Variants in SEC16A observed in about 807,000 individuals in gnomAD.
The protein encoded by SEC16A is SEC16 homolog A, endoplasmic reticulum export factor.
A neutral mutation model predicts 221.9 loss-of-function variants in SEC16A; 110 were observed. The observed-to-expected ratio is 0.50, with a 90% CI of 0.42 to 0.58. The LOEUF is 0.58. Among genes scored for constraint, SEC16A ranks in the 20% least tolerant of loss-of-function variants. SEC16A has a pLI of 0.00. For missense variants in SEC16A, 3,165 were observed against 3,097.8 expected (o/e 1.02, Z -0.52); for synonymous variants, 1,393 against 1,257.7 (o/e 1.11, Z -2.28).
At position 136,445,710 on chromosome 9, in the gene SEC16A, A is replaced by G. The variant is rs948780105; in HGVS notation, c.6802T>C (p.Ser2268Pro). 21 of 1,553,024 alleles carry G rather than the reference A, an allele frequency of 1.4e-5. No individual in the cohort carries two copies. The highest frequency in any genetic ancestry group is 1.7e-5 in the Non-Finnish European group (20 of 1,148,428). The change falls in exon 29 of 32, where the codon TCT becomes CCT. Residue 2268 changes from serine to proline, a missense_variant. Physicochemically the swap from Ser to Pro is moderately conservative, Grantham distance 74. This residue lies in a region of SEC16A where 1,088 missense variants were observed against 1,089.6 expected (regional missense o/e 1.00). Transcript: ENST00000684901. Reference sequence around the variant, plus strand: ...TCAGAGCCAGGGAGTGACGCTGCAGAGCTTAAAACCTGCCGAGGAAAAGAA... The same window carrying G: ...TCAGAGCCAGGGAGTGACGCTGCAGGGCTTAAAACCTGCCGAGGAAAAGAA... ...EPAPEPKVLS[S>P]AASLPGSELP...
Position 136,455,709 on chromosome 9 carries a change from T to A in SEC16A, c.5749A>T (p.Arg1917Trp). Residue 1917 changes from arginine (R) to tryptophan (W), a missense_variant, in exon 20 of 32, where the codon AGG becomes TGG. Arg to Trp is a moderately radical substitution (Grantham distance 101). Around this residue, in one of 3 missense-constraint regions of SEC16A, gnomAD observed 1,088 missense variants for 1,089.6 expected, o/e 1.00. Transcript: ENST00000684901. The stretch of plus-strand genomic sequence containing the variant: ...GCTCCTGGCTGACTGAGTCCTGGCC[T>A]GTCCAACTGCTCCATCTCGGAACTC... ...TPSSEMEQLD[R>W]PGLSQPGALG... is the part of the protein sequence containing the mutation. The A allele has an allele frequency of 6.3e-7, 1 of 1,594,272 alleles. No homozygotes were observed. Among genetic ancestry groups the A allele is most frequent in the Non-Finnish European group, 8.5e-7 (1 of 1,171,122 alleles).
intron 31 of SEC16A, among the ~76,000 whole-genome samples, chr9:136,443,064 G>T (rs1010317877): frequency 6.6e-6 from 1 of 152,242 alleles, no homozygotes; most frequent in African/African-American, 2.4e-5. Flanking sequence ...AGGGAGGAGA[G>T]ATCACGCTCG....
At chr9:136,465,891 G>A (rs1318792353) in intron 8 of SEC16A, 71 bp downstream of exon 8, 1 of 1,473,870 alleles carries the variant, frequency 6.8e-7, no homozygotes, top group African/African-American at 1.4e-5. Flanking sequence ...TGACTCCCGT[G>A]TTCAGATGCC....
In SEC16A at chr9:136,459,640, G is replaced by C; in HGVS notation, c.5192-85C>G. 2.2e-6 allele frequency: 3 copies of C among 1,365,696 alleles called. No individual in the cohort carries two copies. In the South Asian group the frequency reaches 3.8e-5, roughly 17 times the overall value. The allele number at this position is 1,365,696 out of a possible 1,614,324, so 84.6% of individuals were successfully genotyped here. A position where few individuals can be genotyped will look rare whatever the true frequency, so the allele number is the denominator to read the frequency against. The stretch of plus-strand genomic sequence containing the variant: ...TCAAGGACGCGCACAGAAGGCACCA[G>C]AGACGCCAGCCGGACCGAGAAGGCC... On this transcript the variant is annotated intron_variant, in intron 15 of 31. Coordinates refer to ENST00000684901, the MANE Select transcript of SEC16A (RefSeq NM_014866.2). The surrounding 1 kb of genome is among the most constrained non-coding windows in gnomAD (Gnocchi z 6.1).
rs752987885 is a variant in SEC16A, at chr9:136,445,081, A to G, written c.6898T>C (p.Ser2300Pro). ...LSRCSSMSSL[S>P]REVSQHFNQA... ...TTAAAATGCTGGCTCACTTCACGTGATAATGAACTCATTGAACTACAGCGC... is the reference window on the plus strand; with the variant it reads ...TTAAAATGCTGGCTCACTTCACGTGGTAATGAACTCATTGAACTACAGCGC... Residue 2300 changes from serine to proline, a missense_variant, in exon 30 of 32, where the codon TCA becomes CCA. Physicochemically the swap from Ser to Pro is moderately conservative, Grantham distance 74. Around this residue, in one of 3 missense-constraint regions of SEC16A, gnomAD observed 1,088 missense variants for 1,089.6 expected, o/e 1.00. Coordinates refer to ENST00000684901, the MANE Select transcript of SEC16A (RefSeq NM_014866.2). The G allele has an allele frequency of 6.2e-7, 1 of 1,607,756 alleles. No homozygotes were observed. Among genetic ancestry groups the G allele is most frequent in the Non-Finnish European group, 8.5e-7 (1 of 1,177,358 alleles).
rs200888726 is a variant in SEC16A at position 136,475,797 on chromosome 9, C to T, written c.1819G>A (p.Ala607Thr). ...TTTACCGGTTCGAAAGAACTATTTGCACTTGTCTGAAATATTCCTGTAGGT... is the reference window on the plus strand; with the variant it reads ...TTTACCGGTTCGAAAGAACTATTTGTACTTGTCTGAAATATTCCTGTAGGT... ...PKPTGIFQTS[A>T]NSSFEPVKSH... is the part of the protein sequence containing the mutation. The change falls in exon 3 of 32, where the codon GCA becomes ACA. Residue 607 changes from alanine to threonine, a missense_variant. Transcript: ENST00000684901. The surrounding 1 kb of genome is among the most constrained non-coding windows in gnomAD (Gnocchi z 5.0). 5.8e-5 allele frequency: 92 copies of T among 1,588,450 alleles called. No homozygotes were observed. The African/African-American group carries it at 1.2e-3, about 20-fold the overall frequency.
At position 136,474,246 on chromosome 9, in the gene SEC16A, G is replaced by A; in HGVS notation, c.3370C>T (p.Leu1124=). The change falls in exon 3 of 32, where the codon CTG becomes TTG. Residue 1124 remains leucine (L), a synonymous_variant. Transcript: ENST00000684901. ...PRPPQSSSVS[L]VSSGSGQAAV... ...GCCTGGCCGGAGCCACTGGACACCA[G>A]AGACACGCTAGAGGACTGAGGAGGC... is the stretch of plus-strand genomic sequence containing the variant. The A allele has an allele frequency of 6.2e-7, 1 of 1,609,340 alleles. No homozygotes were observed. The highest frequency in any genetic ancestry group is 8.5e-7 in the Non-Finnish European group (1 of 1,178,118).
chr9:136,482,973 G>A lies in SEC16A; in HGVS notation c.-227C>T. 2.0e-6 allele frequency: 2 copies of A among 985,152 alleles called. No individual in the cohort carries two copies. The highest frequency in any genetic ancestry group is 2.4e-6 in the Non-Finnish European group (2 of 829,780). The allele number at this position is 985,152 out of a possible 1,614,324, so 61.0% of individuals were successfully genotyped here. Reference sequence around the variant, plus strand: ...GAGACCGATCCCTCAGGAGCCGCGGGCGAAAGCCCACCCGACGCTGGCGAC... The same window carrying A: ...GAGACCGATCCCTCAGGAGCCGCGGACGAAAGCCCACCCGACGCTGGCGAC... On this transcript the variant is annotated 5_prime_UTR_variant, in exon 1 of 32. Coordinates refer to ENST00000684901, the MANE Select transcript of SEC16A (RefSeq NM_014866.2).
At chr9:136,472,482 T>C (rs958256583) in intron 3 of SEC16A, among the ~76,000 whole-genome samples, 2 of 152,236 alleles carry the variant, frequency 1.3e-5, no homozygotes, top group African/African-American at 2.4e-5. Context: ...GTTAGGTTTC[T>C]GCTTCCTGAT....
rs1837206665 is a variant in SEC16A at position 136,447,708 on chromosome 9, C to A, written c.6448-28G>T. On this transcript the variant is annotated intron_variant, in intron 25 of 31. Coordinates refer to ENST00000684901, the MANE Select transcript of SEC16A (RefSeq NM_014866.2). This position sits in a 1 kb window ranked among gnomAD's most constrained non-coding sequence, Gnocchi z 5.5. ...GCAGAGGGAAACACAGCTTCAGACA[C>A]CCACTGTGTGCACAGAAACCCACTG... 1.3e-6 allele frequency: 2 copies of A among 1,581,206 alleles called. No individual in the cohort carries two copies. The highest frequency in any genetic ancestry group is 1.7e-5 in the Admixed American group (1 of 58,962).
At chr9:136,463,367 C>T (rs1467821480) in intron 11 of SEC16A, 96 bp downstream of exon 11, 17 of 1,498,982 alleles carry the variant, frequency 1.1e-5, no homozygotes, top group East Asian at 9.1e-5. Flanking sequence ...TAGCTGGCCA[C>T]GCGGATCCCG....
At chr9:136,483,162 C>G (rs988330568), upstream of SEC16A, 1 of 329,168 alleles carries the variant, frequency 3.0e-6, no homozygotes, top group Non-Finnish European at 4.3e-6. Flanking sequence ...CAGCCCTTCA[C>G]AGCCCATCCC....
intron 3 of SEC16A, 87 bp downstream of exon 3, chr9:136,473,962 A>C (rs900535568): frequency 7.1e-7 from 1 of 1,409,434 alleles, no homozygotes; most frequent in African/African-American, 1.4e-5. Flanking sequence ...AAGCGAACAA[A>C]CACTACTAAG....
At chr9:136,449,442 G>T (rs973103476) in intron 23 of SEC16A, among the ~76,000 whole-genome samples, 36 of 152,220 alleles carry the variant, frequency 2.4e-4, no homozygotes, top group Admixed American at 1.0e-3. Context: ...TAGAGATGGG[G>T]TTTCACCATC....
intron 3 of SEC16A, 70 bp from the exon 4 acceptor site, chr9:136,472,181 G>C (rs1840965840): frequency 6.3e-7 from 1 of 1,585,826 alleles, no homozygotes; most frequent in African/African-American, 1.3e-5. Flanking sequence ...GCCAGCCTGA[G>C]CTGGAAACAT....
At chr9:136,483,795 G>T, upstream of SEC16A, 1 of 985,408 alleles carries the variant, frequency 1.0e-6, no homozygotes, top group South Asian at 4.7e-5. Flanking sequence ...GAGGGCAGGC[G>T]GCGGCGGCCG....
In SEC16A at chr9:136,459,901, C is replaced by A; in HGVS notation, c.5074-27G>T. 1 of 1,595,970 alleles carries A rather than the reference C, an allele frequency of 6.3e-7. No homozygotes were observed. Among genetic ancestry groups the A allele is most frequent in the Non-Finnish European group, 8.6e-7 (1 of 1,168,448 alleles). ...TAACATGAGGAAAAACAAAACGAAG[C>A]CTCATCCCCGGAAGCCAGCGCCATT... is the stretch of plus-strand genomic sequence containing the variant. On this transcript the variant is annotated intron_variant, in intron 14 of 31. Transcript: ENST00000684901. This position sits in a 1 kb window ranked among gnomAD's most constrained non-coding sequence, Gnocchi z 6.1.
chr9:136,459,814 A>C lies in SEC16A; in HGVS notation c.5134T>G (p.Leu1712Val). The part of the protein sequence containing the change: ...RPHLAMVLSN[L>V]NNNMDVESRT... Reference sequence around the variant, plus strand: ...GACTCGACGTCCATGTTGTTGTTCAAGTTGGACAAGACCATGGCGAGGTGC... The same window carrying C: ...GACTCGACGTCCATGTTGTTGTTCACGTTGGACAAGACCATGGCGAGGTGC... The change falls in exon 15 of 32, where the codon TTG (leucine) becomes GTG (valine). Residue 1712 changes from leucine to valine, a missense_variant. Leu to Val is a conservative substitution (Grantham distance 32, BLOSUM62 1). Coordinates refer to ENST00000684901, the MANE Select transcript of SEC16A (RefSeq NM_014866.2). This position sits in a 1 kb window ranked among gnomAD's most constrained non-coding sequence, Gnocchi z 6.1. 6.2e-7 allele frequency: 1 copy of C among 1,613,542 alleles called. No individual in the cohort carries two copies. The highest frequency in any genetic ancestry group is 8.5e-7 in the Non-Finnish European group (1 of 1,179,716).
In SEC16A at chr9:136,475,816, T is replaced by A; in HGVS notation, c.1800A>T (p.Thr600=). 2 of 1,582,694 alleles carry A rather than the reference T, an allele frequency of 1.3e-6. No individual in the cohort carries two copies. Among genetic ancestry groups the A allele is most frequent in the East Asian group, 2.3e-5 (1 of 43,374 alleles). Residue 600 remains threonine (T), a synonymous_variant, in exon 3 of 32, where the codon ACA becomes ACT. Coordinates refer to ENST00000684901, the MANE Select transcript of SEC16A (RefSeq NM_014866.2). The surrounding 1 kb of genome is among the most constrained non-coding windows in gnomAD (Gnocchi z 5.0). Reference sequence around the variant, plus strand: ...TATTTGCACTTGTCTGAAATATTCCTGTAGGTTTCGGGGGGCTCGGGGTTG... The same window carrying A: ...TATTTGCACTTGTCTGAAATATTCCAGTAGGTTTCGGGGGGCTCGGGGTTG... The part of the protein sequence containing the change: ...QPSTPSPPKP[T]GIFQTSANSS...
Sources: gnomAD v4.1 joint callset for allele counts (sites outside exome capture counted in the v4.1 genomes callset) on GRCh38, gnomAD v4.1.1 for gene constraint, gnomAD v4.1.1 regional missense constraint, Gnocchi (gnomAD v3.1) non-coding constraint, MANE v1.5 for transcripts, NCBI Gene and HGNC (gene_info 2026-07-23, HGNC 2026-07-21) for gene names.